Variants in TMBIM6 observed in about 807,000 individuals in gnomAD.
The protein encoded by TMBIM6 is bax inhibitor 1.
A neutral mutation model predicts 31.4 loss-of-function variants in TMBIM6; 13 were observed. The observed-to-expected ratio is 0.41, with a 90% CI of 0.27 to 0.66. The LOEUF (loss-of-function observed/expected upper bound fraction) is 0.66, where lower values mean the gene tolerates loss of function less well. Ranked by LOEUF, TMBIM6 falls within the 30% of genes least tolerant of loss-of-function variation. TMBIM6 has a pLI of 0.28. For missense variants in TMBIM6, 275 were observed against 289.5 expected (o/e 0.95, Z 0.36); for synonymous variants, 85 against 101.7 (o/e 0.84, Z 0.99).
chr12:49,761,965 A>G (rs147740071), intron 9 of TMBIM6, 186 bp downstream of exon 9: 248 of 578,608 alleles, frequency 4.3e-4, no homozygotes, highest in African/African-American at 4.1e-3. Flanking sequence ...AGTGAAAAAA[A>G]AATTTTTTTA....
At chr12:49,747,307 T>G (rs554563845) in intron 1 of TMBIM6, among the ~76,000 whole-genome samples, 1 of 152,300 alleles carries the variant, frequency 6.6e-6, no homozygotes, top group South Asian at 2.1e-4. Flanking sequence ...GGTTTTGCTG[T>G]GTTGCCCAGG....
At chr12:49,752,222 T>C (rs1945506980) in intron 1 of TMBIM6, among the ~76,000 whole-genome samples, 1 of 152,210 alleles carries the variant, frequency 6.6e-6, no homozygotes, top group Admixed American at 6.5e-5. Flanking sequence ...AATCAGATGA[T>C]AGTAACAAAA....
chr12:49,750,360 A>G (rs1340283498), intron 1 of TMBIM6, among the ~76,000 whole-genome samples: 1 of 152,138 alleles, frequency 6.6e-6, no homozygotes, highest in Non-Finnish European at 1.5e-5. Flanking sequence ...GTTCTTTAGC[A>G]TTGCTGTTGT....
chr12:49,742,599 A>AAAAT (rs902711914), intron 1 of TMBIM6: 1 of 223,632 alleles, frequency 4.5e-6, no homozygotes, highest in African/African-American at 2.3e-5. Flanking sequence ...AAGGATTTTA[A>AAAAT]GGTCAAAGGT....
chr12:49,749,097 A>G (rs575082434), intron 1 of TMBIM6, among the ~76,000 whole-genome samples: 27 of 152,334 alleles, frequency 1.8e-4, no homozygotes, highest in African/African-American at 6.5e-4. Context: ...ATTGAAATGT[A>G]GGTATCTTTT....
chr12:49,752,676 G>A (rs11169141), intron 2 of TMBIM6, 127 bp downstream of exon 2: 31,537 of 817,712 alleles, frequency 0.039, 806 homozygotes, highest in Middle Eastern at 0.055. Flanking sequence ...CAGAGGACCT[G>A]ATGAAAATGT....
intron 1 of TMBIM6, chr12:49,742,199 A>T: frequency 6.2e-7 from 1 of 1,613,078 alleles, no homozygotes; most frequent in Non-Finnish European, 8.5e-7. Context: ...AGAGGCGGGA[A>T]GTGAGAGGAG....
At chr12:49,758,805 A>G (rs779686811) in intron 7 of TMBIM6, 43 bp downstream of exon 7, 7 of 1,463,416 alleles carry the variant, frequency 4.8e-6, no homozygotes, top group Non-Finnish European at 6.5e-6. Context: ...TTTGCCTCAC[A>G]CTTCTTTCTT....
intron 4 of TMBIM6, among the ~76,000 whole-genome samples, chr12:49,757,353 C>T (rs1945623336): frequency 6.6e-6 from 1 of 152,174 alleles, no homozygotes; most frequent in Non-Finnish European, 1.5e-5. Context: ...TTTTAATAAA[C>T]TAGACTTGAG....
chr12:49,741,982 G>C (rs1483381748), intron 1 of TMBIM6: 22 of 1,165,258 alleles, frequency 1.9e-5, no homozygotes, highest in Non-Finnish European at 2.6e-5. Flanking sequence ...GCCTAGCTTC[G>C]ATCGTTCGAA....
chr12:49,742,320 G>T (rs1179909771), intron 1 of TMBIM6: 2 of 1,531,472 alleles, frequency 1.3e-6, no homozygotes, highest in Non-Finnish European at 8.7e-7. Flanking sequence ...AGGTTTTGTG[G>T]GCGTCTTTCT....
Position 49,762,917 on chromosome 12 carries a change from C to T in TMBIM6, c.*21C>T. On this transcript the variant is annotated 3_prime_UTR_variant, in exon 10 of 10. Transcript: ENST00000267115. ...AATGAAGTGACCATCCAGCCTTTCC[C>T]AATTAGACTTCCTCTCCTTCCACCC... 2 of 1,610,488 alleles carry T rather than the reference C, an allele frequency of 1.2e-6. No homozygotes were observed. Among genetic ancestry groups the T allele is most frequent in the Non-Finnish European group, 1.7e-6 (2 of 1,177,028 alleles).
At chr12:49,751,802 T>G (rs573841915) in intron 1 of TMBIM6, among the ~76,000 whole-genome samples, 2 of 149,002 alleles carry the variant, frequency 1.3e-5, no homozygotes, top group South Asian at 4.3e-4. Flanking sequence ...CTTGCCCTGT[T>G]GCCCAGGCTG....
At chr12:49,744,348 A>T (rs1324512883) in intron 1 of TMBIM6, 1 of 151,796 alleles carries the variant, frequency 6.6e-6, no homozygotes, top group Admixed American at 6.6e-5. Flanking sequence ...TTTTTCCTTT[A>T]CTACTTTGAC....
At chr12:49,762,755 C>T (rs939286980) in intron 9 of TMBIM6, 118 bp from the exon 10 acceptor site, 8 of 980,066 alleles carry the variant, frequency 8.2e-6, no homozygotes, top group Non-Finnish European at 1.3e-5. Flanking sequence ...GGAAGCATTT[C>T]TCATTTCTTT....
At chr12:49,755,446 CTG>C (rs2136949551) in intron 3 of TMBIM6, among the ~76,000 whole-genome samples, 187 bp from the exon 4 acceptor site, 1 of 152,306 alleles carries the variant, frequency 6.6e-6, no homozygotes, top group Admixed American at 6.5e-5. Context: ...GGTCCTAACT[CTG>C]TGCTTCAAGG....
chr12:49,753,265 C>G (rs1945529882), intron 3 of TMBIM6, among the ~76,000 whole-genome samples, 184 bp downstream of exon 3: 1 of 152,216 alleles, frequency 6.6e-6, no homozygotes, highest in South Asian at 2.1e-4. Flanking sequence ...TGTGCCCCCT[C>G]TAGATACCGA....
chr12:49,752,388 T>C, intron 1 of TMBIM6, 76 bp from the exon 2 acceptor site: 1 of 1,080,320 alleles, frequency 9.3e-7, no homozygotes. Flanking sequence ...ACTTACATGT[T>C]GCTTTTTTTT....
chr12:49,752,921 A>G, intron 2 of TMBIM6, 52 bp from the exon 3 acceptor site: 1 of 1,501,940 alleles, frequency 6.7e-7, no homozygotes, highest in South Asian at 1.2e-5. Context: ...TTCTTAGCTT[A>G]AATATGAGAT....
Sources: allele counts gnomAD v4.1 joint callset (sites outside exome capture counted in the v4.1 genomes callset), GRCh38; gene constraint gnomAD v4.1.1; transcripts MANE v1.5; gene names NCBI Gene and HGNC (gene_info 2026-07-23, HGNC 2026-07-21).